MAGI1: variants seen among roughly 807,000 people sequenced by gnomAD.
MAGI1 encodes membrane associated guanylate kinase, WW and PDZ domain containing 1.
A neutral mutation model predicts 139.9 loss-of-function variants in MAGI1; 58 were observed. The observed-to-expected ratio is 0.41, with a 90% CI of 0.34 to 0.52. MAGI1 has a LOEUF of 0.52. Ranked by LOEUF, MAGI1 falls within the 20% of genes least tolerant of loss-of-function variation. The probability of loss-of-function intolerance (pLI) is 0.12; values close to 1 mark genes in which losing one functional copy is unlikely to be tolerated. For missense variants in MAGI1, 1,874 were observed against 1,901.6 expected (o/e 0.99, Z 0.27); for synonymous variants, 812 against 737.9 (o/e 1.10, Z -1.63).
At chr3:65,645,943 A>C (rs2085236456) in intron 1 of MAGI1, among the ~76,000 whole-genome samples, 1 of 152,084 alleles carries the variant, frequency 6.6e-6, no homozygotes, top group Non-Finnish European at 1.5e-5. Context: ...TCAAAATAGA[A>C]TGCTAATAAA....
At chr3:65,943,562 G>A (rs2063413501) in intron 1 of MAGI1, among the ~76,000 whole-genome samples, 1 of 149,372 alleles carries the variant, frequency 6.7e-6, no homozygotes, top group Non-Finnish European at 1.5e-5. Context: ...GACAGTGCGA[G>A]ACTCCATCTC....
Position 65,795,953 on chromosome 3 carries a change from A to G in MAGI1, c.314-173865T>C, listed in dbSNP as rs1361752831. Among the ~76,000 whole-genome samples the G allele has an allele frequency of 4.0e-5, 6 of 149,396 alleles. No individual in the cohort carries two copies. The East Asian group carries it at 1.2e-3, about 31-fold the overall frequency. On this transcript the variant is annotated intron_variant, in intron 1 of 22. Transcript: ENST00000402939. Reference sequence around the variant, plus strand: ...GTAATCCCAGCTACTTAGGAGGCTGAGGCGCAAGAATTGCTTGACCACAGG... The same window carrying G: ...GTAATCCCAGCTACTTAGGAGGCTGGGGCGCAAGAATTGCTTGACCACAGG...
intron 1 of MAGI1, among the ~76,000 whole-genome samples, chr3:66,037,736 G>C (rs373183209): frequency 7.2e-5 from 11 of 152,304 alleles, no homozygotes; most frequent in Middle Eastern, 3.4e-3. Context: ...TAGTGGCGGA[G>C]ATAACAGGTT....
At chr3:65,504,065 G>T (rs982103164) in intron 2 of MAGI1, among the ~76,000 whole-genome samples, 4 of 152,164 alleles carry the variant, frequency 2.6e-5, no homozygotes, top group Non-Finnish European at 5.9e-5. Flanking sequence ...GCAAGCAAAT[G>T]GTTCCCAGTA....
In MAGI1 at chr3:65,357,245, A is replaced by G. The variant is rs987513289; in HGVS notation, c.3635-113T>C. On this transcript the variant is annotated intron_variant, in intron 22 of 22. Transcript: ENST00000402939. Reference sequence around the variant, plus strand: ...AGTCACAACAAGCAAACAACTGTTAAAGCAGTCAGACTCAAAGCCAACTGA... The same window carrying G: ...AGTCACAACAAGCAAACAACTGTTAGAGCAGTCAGACTCAAAGCCAACTGA... The G allele has an allele frequency of 2.0e-5, 23 of 1,124,278 alleles. No individual in the cohort carries two copies. The African/African-American group carries it at 3.3e-4, about 16-fold the overall frequency. 69.6% of individuals were successfully genotyped at this position (1,124,278 alleles called of 1,614,324 possible). A position where few individuals can be genotyped will look rare whatever the true frequency, so the allele number is the denominator to read the frequency against.
At chr3:65,574,579 C>T (rs2081097356) in intron 2 of MAGI1, among the ~76,000 whole-genome samples, 1 of 151,900 alleles carries the variant, frequency 6.6e-6, no homozygotes, top group Non-Finnish European at 1.5e-5. Flanking sequence ...CAAAATCCTA[C>T]CATACGTTTT....
At chr3:65,691,077 C>T (rs577429962) in intron 1 of MAGI1, among the ~76,000 whole-genome samples, 16 of 151,820 alleles carry the variant, frequency 1.1e-4, no homozygotes, top group African/African-American at 2.4e-4. Flanking sequence ...CCGGGGCAGG[C>T]GGATCACAAG....
chr3:65,771,367 T>C (rs2037942780), intron 1 of MAGI1, among the ~76,000 whole-genome samples: 2 of 150,882 alleles, frequency 1.3e-5, no homozygotes, highest in Non-Finnish European at 3.0e-5. Context: ...AGATAGTAGG[T>C]GAATATGAGG....
At chr3:65,824,005 A>G (rs2042084757) in intron 1 of MAGI1, among the ~76,000 whole-genome samples, 1 of 152,224 alleles carries the variant, frequency 6.6e-6, no homozygotes, top group Non-Finnish European at 1.5e-5. Flanking sequence ...CCTCACTGAT[A>G]AAATGAAGAA....
chr3:65,397,098 C>A (rs928806690), intron 13 of MAGI1, among the ~76,000 whole-genome samples: 25 of 152,282 alleles, frequency 1.6e-4, no homozygotes, highest in Middle Eastern at 3.4e-3. Context: ...TGCCTTCACC[C>A]ATCTACTACT....
At chr3:65,601,077 A>G (rs765592513) in intron 2 of MAGI1, among the ~76,000 whole-genome samples, 1 of 152,216 alleles carries the variant, frequency 6.6e-6, no homozygotes, top group African/African-American at 2.4e-5. Context: ...CGGCACAGAG[A>G]AAGTGCTGAC....
At chr3:65,386,084 C>T (rs1043144511) in intron 14 of MAGI1, among the ~76,000 whole-genome samples, 1 of 152,054 alleles carries the variant, frequency 6.6e-6, no homozygotes, top group Non-Finnish European at 1.5e-5. Context: ...CAGCCCAGAC[C>T]CATTTTTCTC....
chr3:65,829,556 C>T (rs2042414227), intron 1 of MAGI1, among the ~76,000 whole-genome samples: 1 of 152,188 alleles, frequency 6.6e-6, no homozygotes, highest in Non-Finnish European at 1.5e-5. Context: ...TTGGACTTCC[C>T]AGCTCCCAGA....
intron 1 of MAGI1, among the ~76,000 whole-genome samples, chr3:66,023,839 G>A (rs911774400): frequency 3.3e-5 from 5 of 152,122 alleles, no homozygotes; most frequent in Non-Finnish European, 7.3e-5. Context: ...AAATTCACGT[G>A]AACATCAATT....
At chr3:65,453,493 G>A (rs777901304) in intron 5 of MAGI1, among the ~76,000 whole-genome samples, 153 bp from the exon 6 acceptor site, 2 of 151,982 alleles carry the variant, frequency 1.3e-5, no homozygotes, top group South Asian at 2.1e-4. Context: ...GAGAGCCTGA[G>A]TTTACAATTA....
At chr3:65,971,751 C>T (rs955298468) in intron 1 of MAGI1, among the ~76,000 whole-genome samples, 9 of 152,162 alleles carry the variant, frequency 5.9e-5, no homozygotes, top group African/African-American at 2.2e-4. Context: ...GCCCTCCCAG[C>T]TTCCTGCCTG....
At chr3:66,006,806 G>T (rs886516953) in intron 1 of MAGI1, among the ~76,000 whole-genome samples, 1 of 19,258 alleles carries the variant, frequency 5.2e-5, no homozygotes, top group African/African-American at 1.8e-4. Flanking sequence ...GAAGAACATG[G>T]TTTTGTTTTG....
chr3:65,687,105 G>A (rs1367329084), intron 1 of MAGI1, among the ~76,000 whole-genome samples: 1 of 152,158 alleles, frequency 6.6e-6, no homozygotes, highest in East Asian at 1.9e-4. Context: ...AATTAGAAAT[G>A]AAGAATCTCC....
At chr3:65,499,608 C>T (rs559753610) in intron 2 of MAGI1, among the ~76,000 whole-genome samples, 1 of 151,748 alleles carries the variant, frequency 6.6e-6, no homozygotes, top group African/African-American at 2.4e-5. Flanking sequence ...GGGCGACAGA[C>T]TGAGACTCCG....
Sources: allele counts gnomAD v4.1 joint callset (sites outside exome capture counted in the v4.1 genomes callset), GRCh38; gene constraint gnomAD v4.1.1; transcripts MANE v1.5; gene names NCBI Gene and HGNC (gene_info 2026-07-23, HGNC 2026-07-21).